The following POLR3A variants were observed in gnomAD, a reference collection of about 807,000 sequenced individuals.
The protein encoded by POLR3A is RNA polymerase III subunit A, also known as DNA-directed RNA polymerase III subunit RPC1.
A neutral mutation model predicts 152.8 loss-of-function variants in POLR3A; 112 were observed. That is an observed-to-expected ratio of 0.73 (90% CI 0.63 to 0.86). POLR3A has a LOEUF of 0.86. Ranked by LOEUF, POLR3A falls within the 40% of genes least tolerant of loss-of-function variation. The pLI is 0.00. For missense variants in POLR3A, 1,385 were observed against 1,743.1 expected, an observed-to-expected ratio of 0.79 and a Z score of 3.66; for synonymous variants, 615 against 652.1, an observed-to-expected ratio of 0.94 and a Z score of 0.87.
intron 23 of POLR3A, among the ~76,000 whole-genome samples, 195 bp from the exon 24 acceptor site, chr10:77,985,535 G>T (rs1847188323): frequency 6.6e-6 from 1 of 152,246 alleles, no homozygotes; most frequent in Non-Finnish European, 1.5e-5. Context: ...GTAAAGGTCA[G>T]AGAGGGGGCA....
chr10:77,985,855 G>A (rs750561903), intron 23 of POLR3A, 48 bp downstream of exon 23: 44 of 1,368,300 alleles, frequency 3.2e-5, no homozygotes, highest in South Asian at 1.6e-4. Context: ...GAAGGGATAC[G>A]TGAGACCTAT....
chr10:78,013,369 A>AT lies in POLR3A; in HGVS notation c.1572+280dup, dbSNP rs1847485363. ...TGTCATAACTGGCCCTCATGTATACATTTTCTCCCAGAACCCACATTTATA... is the reference window on the plus strand; with the variant it reads ...TGTCATAACTGGCCCTCATGTATACATTTTTCTCCCAGAACCCACATTTATA... On this transcript the variant is annotated intron_variant, in intron 11 of 30. Transcript: ENST00000372371. 1.1e-5 allele frequency: 5 copies of AT among 451,500 alleles called. No homozygotes were observed. In the Admixed American group the frequency reaches 1.7e-4, roughly 15 times the overall value. The allele number at this position is 451,500 out of a possible 1,614,324, so 28.0% of individuals were successfully genotyped here.
chr10:78,010,525 C>G lies in POLR3A; in HGVS notation c.1588G>C (p.Val530Leu). ...AGCGGTTCCCCATTCCTCGGGGTTA[C>G]AAGATTTGCTTTAGTCTGTAGGAAA... ...LVLMGTKANL[V>L]TPRNGEPLIA... Residue 530 changes from valine (V) to leucine (L), a missense_variant, in exon 12 of 31, where the codon GTA becomes CTA. Physicochemically the swap from Val to Leu is conservative, Grantham distance 32. This residue lies in a region of POLR3A where 188 missense variants were observed against 179.9 expected (regional missense o/e 1.04). Transcript: ENST00000372371. 6.2e-7 allele frequency: 1 copy of G among 1,613,956 alleles called. No homozygotes were observed. The highest frequency in any genetic ancestry group is 1.3e-5 in the African/African-American group (1 of 75,022).
At chr10:78,019,654 C>T (rs1276256624) in intron 8 of POLR3A, 2 of 296,812 alleles carry the variant, frequency 6.7e-6, no homozygotes, top group South Asian at 3.4e-5. Flanking sequence ...CACCACAAGC[C>T]CTGGTCTGCA....
At chr10:77,992,642 C>G (rs2131936720) in intron 20 of POLR3A, among the ~76,000 whole-genome samples, 1 of 151,836 alleles carries the variant, frequency 6.6e-6, no homozygotes, top group East Asian at 1.9e-4. Flanking sequence ...GGGGTTTCAC[C>G]ATGTTGGCCA....
At chr10:78,003,435 AG>A (rs1847376302) in intron 16 of POLR3A, among the ~76,000 whole-genome samples, 2 of 152,304 alleles carry the variant, frequency 1.3e-5, no homozygotes, top group South Asian at 4.1e-4. Flanking sequence ...GCCAGGTGAA[AG>A]CCTGGTGCAC....
At chr10:77,998,975 A>G (rs1473639125) in intron 19 of POLR3A, among the ~76,000 whole-genome samples, 1 of 152,266 alleles carries the variant, frequency 6.6e-6, no homozygotes, top group Non-Finnish European at 1.5e-5. Context: ...GCAGCCATAA[A>G]AAATGATGAG....
intron 11 of POLR3A, among the ~76,000 whole-genome samples, chr10:78,011,306 C>G (rs1278629387): frequency 1.3e-5 from 2 of 152,140 alleles, no homozygotes; most frequent in Non-Finnish European, 2.9e-5. Context: ...TAATAATAAT[C>G]AATCCAACAA....
At chr10:78,003,668 A>G (rs1233633883) in intron 16 of POLR3A, among the ~76,000 whole-genome samples, 1 of 152,144 alleles carries the variant, frequency 6.6e-6, no homozygotes, top group African/African-American at 2.4e-5. Context: ...CATGCCTGTA[A>G]TTCCAGCACT....
chr10:78,017,478 T>G (rs1399804430), intron 10 of POLR3A, 97 bp downstream of exon 10: 2 of 1,251,508 alleles, frequency 1.6e-6, no homozygotes, highest in Non-Finnish European at 2.3e-6. Flanking sequence ...AAACTTGAGA[T>G]AACAGGCAAT....
Position 78,025,106 on chromosome 10 carries a change from G to A in POLR3A, c.355C>T (p.Gln119Ter), listed in dbSNP as rs563216507. Reference sequence around the variant, plus strand: ...TCCAGAAACTGCTTCTTCTCCTCTTGGGACAGCATGATGTGGCAGCAGGTT... The same window carrying A: ...TCCAGAAACTGCTTCTTCTCCTCTTAGGACAGCATGATGTGGCAGCAGGTT... Reference protein sequence around the residue: ...CKTCCHIMLSQEEKKQFLDYL... With the variant: ...CKTCCHIMLS The change falls in exon 4 of 31, where the codon CAA (glutamine) becomes TAA (stop). Residue 119 changes from glutamine to a stop codon, truncating the protein, a stop_gained. Coordinates refer to ENST00000372371, the MANE Select transcript of POLR3A (RefSeq NM_007055.4). LOFTEE classifies it high-confidence loss of function. 1.2e-6 allele frequency: 2 copies of A among 1,614,150 alleles called. No individual in the cohort carries two copies. Among genetic ancestry groups the A allele is most frequent in the South Asian group, 1.1e-5 (1 of 91,086 alleles).
chr10:78,013,444 A>G, intron 11 of POLR3A: 1 of 607,578 alleles, frequency 1.6e-6, no homozygotes. Context: ...ACTCTCATGT[A>G]TATACTATAA....
chr10:77,993,410 T>TA, intron 19 of POLR3A, 43 bp from the exon 20 acceptor site: 2 of 1,462,538 alleles, frequency 1.4e-6, no homozygotes, highest in Non-Finnish European at 1.9e-6. Flanking sequence ...TTGAGAAGAC[T>TA]AGTCACATGG....
chr10:78,025,539 C>A, intron 3 of POLR3A, 83 bp downstream of exon 3: 1 of 1,406,182 alleles, frequency 7.1e-7, no homozygotes, highest in Admixed American at 1.7e-5. Flanking sequence ...TCCCCCACCA[C>A]TCACAGTTCC....
At chr10:78,027,703 C>G (rs907627878) in intron 1 of POLR3A, among the ~76,000 whole-genome samples, 1 of 148,046 alleles carries the variant, frequency 6.8e-6, no homozygotes, top group East Asian at 1.9e-4. Flanking sequence ...GGCATACAGG[C>G]ATGCGCCACC....
In POLR3A at chr10:77,977,481, T is replaced by C. The variant is rs2131923087; in HGVS notation, c.4170A>G (p.Thr1390=). The change falls in exon 31 of 31, where the codon ACA becomes ACG. Residue 1390 remains threonine (T), a synonymous_variant. Coordinates refer to ENST00000372371, the MANE Select transcript of POLR3A (RefSeq NM_007055.4). ...DTNEFHIPLV[T] is the part of the protein sequence containing the mutation. ...CATGGTCCCCTCTTTCTTTGGACTA[T>C]GTGACAAGGGGGATGTGGAATTCAT... 2 of 1,614,014 alleles carry C rather than the reference T, an allele frequency of 1.2e-6. No homozygotes were observed. The highest frequency in any genetic ancestry group is 1.7e-6 in the Non-Finnish European group (2 of 1,179,932).
rs1473436204 is a variant in POLR3A, at chr10:77,977,716, T to C, written c.4025-90A>G. The C allele has an allele frequency of 6.2e-6, 7 of 1,135,720 alleles. No individual in the cohort carries two copies. The Admixed American group carries it at 8.6e-5, about 14-fold the overall frequency. The allele number at this position is 1,135,720 out of a possible 1,614,324, so 70.4% of individuals were successfully genotyped here. Reference sequence around the variant, plus strand: ...ACTATTGGCTTAAGTGTCAGAAAATTAGGATGTGAGTCCCAGCGCCACTCC... The same window carrying C: ...ACTATTGGCTTAAGTGTCAGAAAATCAGGATGTGAGTCCCAGCGCCACTCC... On this transcript the variant is annotated intron_variant, in intron 30 of 30. Coordinates refer to ENST00000372371, the MANE Select transcript of POLR3A (RefSeq NM_007055.4).
chr10:78,024,193 G>A (rs1280915913), intron 5 of POLR3A, among the ~76,000 whole-genome samples: 2 of 151,716 alleles, frequency 1.3e-5, no homozygotes, highest in African/African-American at 2.4e-5. Flanking sequence ...GGGAAACCCT[G>A]TCTCTACTAA....
chr10:77,982,908 G>C (rs1461046793), intron 26 of POLR3A, 91 bp from the exon 27 acceptor site: 3 of 1,254,432 alleles, frequency 2.4e-6, no homozygotes, highest in Admixed American at 1.7e-5. Context: ...TTTTAGTCAG[G>C]TTTGTTCTAA....
Sources: allele counts gnomAD v4.1 joint callset (sites outside exome capture counted in the v4.1 genomes callset), GRCh38; gene constraint gnomAD v4.1.1; regional missense constraint gnomAD v4.1.1; transcripts MANE v1.5; gene names NCBI Gene and HGNC (gene_info 2026-07-23, HGNC 2026-07-21).